Variants in CMPK1 observed in about 807,000 individuals in gnomAD.
CMPK1 encodes UMP-CMP kinase.
CMPK1 carries 10 observed loss-of-function variants against 25.7 expected under a neutral mutation model. That is an observed-to-expected ratio of 0.39 (90% CI 0.24 to 0.66). The LOEUF is 0.66. Ranked by LOEUF, CMPK1 falls within the 30% of genes least tolerant of loss-of-function variation. The pLI is 0.48. For missense variants in CMPK1, 199 were observed against 280.5 expected (o/e 0.71, Z 2.08); for synonymous variants, 106 against 101.5 (o/e 1.04, Z -0.27).
In CMPK1 at chr1:47,355,058, C is replaced by CT. The variant is rs531616389; in HGVS notation, c.172-13401dup. Among the ~76,000 whole-genome samples the CT allele has an allele frequency of 5.0e-3, 743 of 148,104 alleles. 3 individuals carry two copies. Among genetic ancestry groups the CT allele is most frequent in the Admixed American group, 9.6e-3 (142 of 14,754 alleles). On this transcript the variant is annotated intron_variant, in intron 1 of 5. Coordinates refer to ENST00000371873, the MANE Select transcript of CMPK1 (RefSeq NM_016308.3). The stretch of plus-strand genomic sequence containing the variant: ...CCAGTGGAAAATGGAATCACATTGT[C>CT]TTTTTTTTTTGAGATGGAATCTTTG...
chr1:47,347,746 C>T (rs1378251365), intron 1 of CMPK1, among the ~76,000 whole-genome samples: 2 of 152,166 alleles, frequency 1.3e-5, no homozygotes, highest in Non-Finnish European at 2.9e-5. Flanking sequence ...CTGCCTCAGC[C>T]TCCCGAGTAG....
intron 1 of CMPK1, among the ~76,000 whole-genome samples, chr1:47,334,395 G>A (rs1266775226): frequency 6.6e-6 from 1 of 152,204 alleles, no homozygotes; most frequent in East Asian, 1.9e-4. Context: ...CGTCTCTAGA[G>A]TGGGCTGGGA....
At chr1:47,345,198 G>A (rs1052276952) in intron 1 of CMPK1, among the ~76,000 whole-genome samples, 4 of 152,068 alleles carry the variant, frequency 2.6e-5, no homozygotes, top group South Asian at 2.1e-4. Flanking sequence ...GATTACAGGC[G>A]TGAGCCACCA....
chr1:47,374,876 CTA>C, intron 3 of CMPK1, 31 bp from the exon 4 acceptor site: 1 of 1,513,022 alleles, frequency 6.6e-7, no homozygotes, highest in Admixed American at 1.7e-5. Context: ...AAATTCATAT[CTA>C]TATTTTTAAT....
At chr1:47,371,709 A>G (rs778465518) in intron 2 of CMPK1, among the ~76,000 whole-genome samples, 60 of 152,358 alleles carry the variant, frequency 3.9e-4, no homozygotes, top group Admixed American at 1.6e-3. Context: ...GGTTTTAGCC[A>G]TACCCAAAGC....
chr1:47,371,356 TCACTCTCTACTTTTC>T (rs991357141), intron 2 of CMPK1, among the ~76,000 whole-genome samples: 8 of 152,234 alleles, frequency 5.3e-5, no homozygotes, highest in East Asian at 1.9e-4. Context: ...TTTTACTTTT[TCACTCTCTACTTTTC>T]CACTCTCTAC....
At chr1:47,348,328 A>G (rs1466137634) in intron 1 of CMPK1, among the ~76,000 whole-genome samples, 1 of 152,200 alleles carries the variant, frequency 6.6e-6, no homozygotes, top group Non-Finnish European at 1.5e-5. Context: ...TTTTAGCCCA[A>G]TTGCCATATG....
At chr1:47,372,871 A>AAAAC (rs113396807) in intron 2 of CMPK1, 84 bp from the exon 3 acceptor site, 171 of 906,992 alleles carry the variant, frequency 1.9e-4, no homozygotes, top group African/African-American at 9.1e-4. Context: ...TAATAATAAT[A>AAAAC]AAACACCCAT....
chr1:47,341,234 GTTC>G (rs1646438735), intron 1 of CMPK1, among the ~76,000 whole-genome samples: 1 of 152,152 alleles, frequency 6.6e-6, no homozygotes, highest in African/African-American at 2.4e-5. Flanking sequence ...CTTTCTCAAT[GTTC>G]TTGTGAACAA....
Position 47,365,633 on chromosome 1 carries a change from C to CAAAAAAAAAAA in CMPK1, c.172-2829_172-2819dup, listed in dbSNP as rs10623948. Among the ~76,000 whole-genome samples, 490 of 108,156 alleles carry CAAAAAAAAAAA rather than the reference C, an allele frequency of 4.5e-3. 13 individuals are homozygous for CAAAAAAAAAAA. Among genetic ancestry groups the CAAAAAAAAAAA allele is most frequent in the African/African-American group, 8.2e-3 (211 of 25,816 alleles). 71.0% of individuals were successfully genotyped at this position (108,156 alleles called of 152,430 possible). A position where few individuals can be genotyped will look rare whatever the true frequency, so the allele number is the denominator to read the frequency against. On this transcript the variant is annotated intron_variant, in intron 1 of 5. Coordinates refer to ENST00000371873, the MANE Select transcript of CMPK1 (RefSeq NM_016308.3). ...TGGGTGACAGAGTGAGACCCTGTCT[C>CAAAAAAAAAAA]AAAAAAAAAAAAAAAAAGTGAGAGA...
At chr1:47,334,630 C>T (rs1646382901) in intron 1 of CMPK1, among the ~76,000 whole-genome samples, 1 of 152,184 alleles carries the variant, frequency 6.6e-6, no homozygotes, top group African/African-American at 2.4e-5. Context: ...AAAGGAGGCC[C>T]GTGGGGCGGG....
chr1:47,360,855 A>G (rs887011024), intron 1 of CMPK1, among the ~76,000 whole-genome samples: 2 of 152,166 alleles, frequency 1.3e-5, no homozygotes, highest in African/African-American at 2.4e-5. Flanking sequence ...TTTATTGGTG[A>G]TATCAGTTTG....
chr1:47,361,122 G>A (rs191059742), intron 1 of CMPK1, among the ~76,000 whole-genome samples: 61 of 152,256 alleles, frequency 4.0e-4, no homozygotes, highest in Admixed American at 1.6e-3. Context: ...TGGGCGTGGT[G>A]GCTCACACCT....
At chr1:47,371,394 T>C (rs919008692) in intron 2 of CMPK1, among the ~76,000 whole-genome samples, 1 of 152,378 alleles carries the variant, frequency 6.6e-6, no homozygotes, top group African/African-American at 2.4e-5. Context: ...TTCAACCCTT[T>C]GCAGTCAGAT....
intron 1 of CMPK1, among the ~76,000 whole-genome samples, chr1:47,341,300 C>T (rs553712662): frequency 6.6e-6 from 1 of 152,224 alleles, no homozygotes; most frequent in Non-Finnish European, 1.5e-5. Flanking sequence ...GTATTTTTTG[C>T]TGACTGTATC....
At chr1:47,335,636 C>CAA (rs34856862) in intron 1 of CMPK1, among the ~76,000 whole-genome samples, 26 of 75,212 alleles carry the variant, frequency 3.5e-4, no homozygotes, top group East Asian at 8.2e-4. Flanking sequence ...AACTCCGTCT[C>CAA]AAAAAAAAAA....
intron 1 of CMPK1, 54 bp from the exon 2 acceptor site, chr1:47,368,415 C>T (rs1646654024): frequency 1.4e-6 from 2 of 1,461,882 alleles, no homozygotes; most frequent in African/African-American, 1.4e-5. Flanking sequence ...AAAGTATAGT[C>T]CTACCACTGG....
At chr1:47,370,225 G>GT (rs774386155) in intron 2 of CMPK1, among the ~76,000 whole-genome samples, 8 of 151,694 alleles carry the variant, frequency 5.3e-5, no homozygotes, top group Non-Finnish European at 1.2e-4. Flanking sequence ...CCCTTTCTCT[G>GT]TTTTTTAACC....
At chr1:47,346,945 G>A (rs1646489395) in intron 1 of CMPK1, among the ~76,000 whole-genome samples, 1 of 150,496 alleles carries the variant, frequency 6.6e-6, no homozygotes, top group Non-Finnish European at 1.5e-5. Flanking sequence ...CACCATACCC[G>A]GCTAATTTTT....
Sources: allele counts gnomAD v4.1 joint callset (sites outside exome capture counted in the v4.1 genomes callset), GRCh38; gene constraint gnomAD v4.1.1; transcripts MANE v1.5; gene names NCBI Gene and HGNC (gene_info 2026-07-23, HGNC 2026-07-21).